PIK3CD: variants seen among roughly 807,000 people sequenced by gnomAD.
PIK3CD encodes the protein phosphatidylinositol 4,5-bisphosphate 3-kinase catalytic subunit delta isoform.
PIK3CD carries 20 observed loss-of-function variants against 122.9 expected under a neutral mutation model. The observed-to-expected ratio is 0.16, with a 90% confidence interval of 0.11 to 0.24. The LOEUF (loss-of-function observed/expected upper bound fraction) is 0.24, where lower values mean the gene tolerates loss of function less well. PIK3CD is among the 10% of genes least tolerant of loss of function. PIK3CD has a pLI of 1.00. For missense variants in PIK3CD, 787 were observed against 1,406.3 expected (o/e 0.56, Z 7.04); for synonymous variants, 596 against 593.4 (o/e 1.00, Z -0.06).
chr1:9,654,290 C>T, intron 1 of PIK3CD: 1 of 1,367,758 alleles, frequency 7.3e-7, no homozygotes, highest in Non-Finnish European at 9.8e-7. Flanking sequence ...TTCTGCGTTT[C>T]TGCAGCCTCA....
chr1:9,657,481 T>A (rs1341794256), intron 1 of PIK3CD, among the ~76,000 whole-genome samples: 1 of 152,096 alleles, frequency 6.6e-6, no homozygotes, highest in Non-Finnish European at 1.5e-5. Flanking sequence ...TCAGAGTCCC[T>A]GGTGGTCTCT....
the PIK3CD span, among the ~76,000 whole-genome samples, chr1:9,640,270 G>A: frequency 2.0e-5 from 3 of 152,048 alleles, no homozygotes. Context: ...CTTTTGTGGA[G>A]GAAAATGGTA....
intron 1 of PIK3CD, chr1:9,653,684 G>C: frequency 2.8e-6 from 2 of 703,456 alleles, no homozygotes; most frequent in East Asian, 1.1e-4. Context: ...ATGAGGCTGC[G>C]ACCAAACGCA....
At position 9,721,134 on chromosome 1, in the gene PIK3CD, A is replaced by G. The variant is rs777706880; in HGVS notation, c.1697A>G (p.Tyr566Cys). ...NKHEDVAQML[Y>C]LLCSWPELPV... ...GACCTCGGCTCCCCCCAGATGCTCT[A>G]CCTGCTGTGCTCCTGGCCGGAGCTG... Residue 566 changes from tyrosine to cysteine, a missense_variant, in exon 14 of 24, where the codon TAC (tyrosine) becomes TGC (cysteine). Tyr to Cys is a radical substitution (Grantham distance 194, BLOSUM62 -2). This residue lies in a region of PIK3CD where 592 missense variants were observed against 920.6 expected (regional missense o/e 0.64). Coordinates refer to ENST00000377346, the MANE Select transcript of PIK3CD (RefSeq NM_005026.5). The G allele has an allele frequency of 5.6e-6, 9 of 1,611,234 alleles. No homozygotes were observed. The highest frequency in any genetic ancestry group is 1.1e-5 in the South Asian group (1 of 91,054).
chr1:9,664,049 CTTTTTTT>C (rs754341558), intron 1 of PIK3CD, among the ~76,000 whole-genome samples: 2 of 101,778 alleles, frequency 2.0e-5, no homozygotes, highest in African/African-American at 4.2e-5. Flanking sequence ...TTCTTTCTTT[CTTTTTTT>C]TTTTTTTTTT....
At chr1:9,639,138 C>T in the PIK3CD span, among the ~76,000 whole-genome samples, 1 of 152,168 alleles carries the variant, frequency 6.6e-6, no homozygotes, top group African/African-American at 2.4e-5. Context: ...ATGGTTTCTT[C>T]TAATCCTAAA....
intron 1 of PIK3CD, among the ~76,000 whole-genome samples, chr1:9,671,013 C>T (rs1007617181): frequency 5.9e-5 from 9 of 152,216 alleles, no homozygotes; most frequent in Middle Eastern, 3.4e-3. Flanking sequence ...CCGTCTCAAC[C>T]TCCCAAAGTG....
rs769758594 is a variant in PIK3CD, at chr1:9,717,635, C to G, written c.1020+9C>G. On this transcript the variant is annotated intron_variant, in intron 8 of 23. Transcript: ENST00000377346. The surrounding 1 kb of genome is among the most constrained non-coding windows in gnomAD (Gnocchi z 5.4). Reference sequence around the variant, plus strand: ...CCGACGAGCGGATGAAGGTGGGGCTCCTGGGATAGGTGGGAGAGACACTGT... The same window carrying G: ...CCGACGAGCGGATGAAGGTGGGGCTGCTGGGATAGGTGGGAGAGACACTGT... 45 of 1,613,388 alleles carry G rather than the reference C, an allele frequency of 2.8e-5. No homozygotes were observed. In the East Asian group the frequency reaches 1.0e-3, roughly 36 times the overall value.
the PIK3CD span, among the ~76,000 whole-genome samples, chr1:9,639,465 AT>A: frequency 6.6e-6 from 1 of 152,028 alleles, no homozygotes. Flanking sequence ...TAAAACGTCT[AT>A]TTTTAGCCTC....
intron 1 of PIK3CD, chr1:9,654,460 C>T (rs1644779870): frequency 1.5e-6 from 2 of 1,340,086 alleles, no homozygotes; most frequent in Non-Finnish European, 2.0e-6. Flanking sequence ...GCTTACAGGA[C>T]AGACAGTCCA....
the PIK3CD span, among the ~76,000 whole-genome samples, chr1:9,645,020 CTTTTCTT>C: frequency 3.4e-4 from 41 of 120,706 alleles, no homozygotes; most frequent in African/African-American, 8.8e-4. Context: ...CTTTTCTTTT[CTTTTCTT>C]TTTTTTTTTT....
chr1:9,662,137 C>A (rs565155498), intron 1 of PIK3CD, among the ~76,000 whole-genome samples: 67 of 152,298 alleles, frequency 4.4e-4, no homozygotes, highest in African/African-American at 1.6e-3. Context: ...TGCACTCCAA[C>A]CTGGGCGACA....
intron 1 of PIK3CD, among the ~76,000 whole-genome samples, chr1:9,678,204 C>T (rs1645614218): frequency 6.6e-6 from 1 of 151,898 alleles, no homozygotes; most frequent in Admixed American, 6.6e-5. Context: ...TGGCTCTCAC[C>T]TGTAGTCCTA....
the PIK3CD span, among the ~76,000 whole-genome samples, chr1:9,629,292 C>T: frequency 1.3e-5 from 2 of 152,046 alleles, no homozygotes; most frequent in Non-Finnish European, 2.9e-5. Context: ...CCCCAGGCTC[C>T]TTCTCCTCTT....
chr1:9,657,980 C>T (rs1365661340), intron 1 of PIK3CD, among the ~76,000 whole-genome samples: 1 of 152,128 alleles, frequency 6.6e-6, no homozygotes, highest in Non-Finnish European at 1.5e-5. Context: ...CCCCCCCTTG[C>T]ATCAGCCACA....
chr1:9,710,715 G>A lies in PIK3CD; in HGVS notation c.141+119G>A, dbSNP rs1272010265. ...CAGGTGGACAGACGGACAGACAGAT[G>A]GACAGATGCACTGCTTTTCAGACTT... On this transcript the variant is annotated intron_variant, in intron 3 of 23. Transcript: ENST00000377346. This position sits in a 1 kb window ranked among gnomAD's most constrained non-coding sequence, Gnocchi z 4.7. 2.8e-6 allele frequency: 3 copies of A among 1,067,990 alleles called. No individual in the cohort carries two copies. The highest frequency in any genetic ancestry group is 2.4e-5 in the East Asian group (1 of 41,628). 66.2% of individuals were successfully genotyped at this position (1,067,990 alleles called of 1,614,324 possible).
At position 9,722,483 on chromosome 1, in the gene PIK3CD, C is replaced by T. The variant is rs180916214; in HGVS notation, c.2348-45C>T. On this transcript the variant is annotated intron_variant, in intron 18 of 23. Coordinates refer to ENST00000377346, the MANE Select transcript of PIK3CD (RefSeq NM_005026.5). This position sits in a 1 kb window ranked among gnomAD's most constrained non-coding sequence, Gnocchi z 7.6. ...CTTGGGTGTAGCTGGAAGCAGAGAACCTACCAGAAACTCACGCTTCTCCTC... is the reference window on the plus strand; with the variant it reads ...CTTGGGTGTAGCTGGAAGCAGAGAATCTACCAGAAACTCACGCTTCTCCTC... 6 of 1,569,442 alleles carry T rather than the reference C, an allele frequency of 3.8e-6. No individual in the cohort carries two copies. The South Asian group carries it at 5.5e-5, about 15-fold the overall frequency.
Position 9,718,743 on chromosome 1 carries a change from C to T in PIK3CD, c.1070C>T (p.Thr357Met), listed in dbSNP as rs775700162. 28 of 1,608,996 alleles carry T rather than the reference C, an allele frequency of 1.7e-5. No individual in the cohort carries two copies. The highest frequency in any genetic ancestry group is 2.2e-5 in the East Asian group (1 of 44,882). Reference sequence around the variant, plus strand: ...CACGGCAACGAGATGCTGTGCAAGACGGTGTCCAGCTCGGAGGTGAGCGTG... The same window carrying T: ...CACGGCAACGAGATGCTGTGCAAGATGGTGTCCAGCTCGGAGGTGAGCGTG... ...LFHGNEMLCK[T>M]VSSSEVSVCS... Residue 357 changes from threonine to methionine, a missense_variant, in exon 9 of 24, where the codon ACG becomes ATG. This residue lies in a region of PIK3CD where 592 missense variants were observed against 920.6 expected (regional missense o/e 0.64). Coordinates refer to ENST00000377346, the MANE Select transcript of PIK3CD (RefSeq NM_005026.5). The surrounding 1 kb of genome is among the most constrained non-coding windows in gnomAD (Gnocchi z 7.2).
At chr1:9,725,261 A>G (rs1649338968) in intron 23 of PIK3CD, among the ~76,000 whole-genome samples, 1 of 152,340 alleles carries the variant, frequency 6.6e-6, no homozygotes, top group African/African-American at 2.4e-5. Flanking sequence ...GCCTTCTAAA[A>G]GATATTTTTT....
Sources: gnomAD v4.1 joint callset for allele counts (sites outside exome capture counted in the v4.1 genomes callset) on GRCh38, gnomAD v4.1.1 for gene constraint, gnomAD v4.1.1 regional missense constraint, Gnocchi (gnomAD v3.1) non-coding constraint, MANE v1.5 for transcripts, NCBI Gene and HGNC (gene_info 2026-07-23, HGNC 2026-07-21) for gene names.